Variants in DIAPH3 observed in about 807,000 individuals in gnomAD.
The protein encoded by DIAPH3 is protein diaphanous homolog 3.
Under a neutral mutation model 144.3 loss-of-function variants are expected in DIAPH3, and 117 were observed. That is an observed-to-expected ratio of 0.81 (90% CI 0.70 to 0.95). The LOEUF is 0.95. Among genes scored for constraint, DIAPH3 ranks in the 40% least tolerant of loss-of-function variants. DIAPH3 has a pLI of 0.00. For missense variants in DIAPH3, 1,421 were observed against 1,412.7 expected, an observed-to-expected ratio of 1.01 and a Z score of -0.09; for synonymous variants, 519 against 488.9, an observed-to-expected ratio of 1.06 and a Z score of -0.81.
At chr13:59,793,095 T>C (rs1260556477) in intron 25 of DIAPH3, among the ~76,000 whole-genome samples, 1 of 152,142 alleles carries the variant, frequency 6.6e-6, no homozygotes, top group Non-Finnish European at 1.5e-5. Context: ...AGGAACCACT[T>C]GATGAAAGCT....
chr13:60,127,666 GA>G (rs756036853), intron 2 of DIAPH3, among the ~76,000 whole-genome samples: 14 of 152,150 alleles, frequency 9.2e-5, no homozygotes, highest in Non-Finnish European at 1.9e-4. Flanking sequence ...CCATTTATAT[GA>G]AATTCTAAAA....
chr13:59,823,759 A>G (rs1457782545), intron 24 of DIAPH3, among the ~76,000 whole-genome samples: 1 of 152,174 alleles, frequency 6.6e-6, no homozygotes, highest in Middle Eastern at 3.2e-3. Context: ...ACAAGGATCA[A>G]ATTTGTGTAA....
At chr13:60,125,125 C>T (rs2058952219) in intron 2 of DIAPH3, among the ~76,000 whole-genome samples, 1 of 152,284 alleles carries the variant, frequency 6.6e-6, no homozygotes, top group Admixed American at 6.5e-5. Flanking sequence ...TTGGAACACT[C>T]TTTAGCACAT....
At chr13:59,688,114 G>T (rs887472949) in intron 27 of DIAPH3, among the ~76,000 whole-genome samples, 1 of 151,980 alleles carries the variant, frequency 6.6e-6, no homozygotes, top group African/African-American at 2.4e-5. Flanking sequence ...GAGATTAAAA[G>T]AAGAAGGAAA....
intron 25 of DIAPH3, among the ~76,000 whole-genome samples, chr13:59,785,122 A>T (rs925813607): frequency 1.3e-5 from 2 of 152,178 alleles, no homozygotes; most frequent in African/African-American, 4.8e-5. Flanking sequence ...GCCGATTTTC[A>T]TTGGGATTTA....
intron 5 of DIAPH3, among the ~76,000 whole-genome samples, chr13:60,041,016 G>C (rs2141183566): frequency 6.6e-6 from 1 of 152,248 alleles, no homozygotes; most frequent in Admixed American, 6.5e-5. Flanking sequence ...GTTTCGCCAT[G>C]TTAGCCAGGC....
intron 27 of DIAPH3, among the ~76,000 whole-genome samples, chr13:59,727,852 C>G (rs149653298): frequency 6.6e-6 from 1 of 152,034 alleles, no homozygotes; most frequent in Non-Finnish European, 1.5e-5. Flanking sequence ...CCCTAATACC[C>G]GTATTTTGGT....
chr13:59,848,018 C>A (rs2042747238), intron 22 of DIAPH3, among the ~76,000 whole-genome samples: 1 of 152,196 alleles, frequency 6.6e-6, no homozygotes, highest in Non-Finnish European at 1.5e-5. Flanking sequence ...ATGCCGCACA[C>A]ATCTAACCAT....
intron 4 of DIAPH3, among the ~76,000 whole-genome samples, chr13:60,051,256 C>T (rs2056333003): frequency 6.6e-6 from 1 of 151,960 alleles, no homozygotes; most frequent in Admixed American, 6.6e-5. Flanking sequence ...GTAATGTTTG[C>T]ATGCTGATGA....
intron 20 of DIAPH3, among the ~76,000 whole-genome samples, chr13:59,890,377 T>C (rs544091384): frequency 6.6e-6 from 1 of 152,116 alleles, no homozygotes; most frequent in African/African-American, 2.4e-5. Flanking sequence ...ATGAAACTTT[T>C]AAGTTTCTGT....
intron 25 of DIAPH3, among the ~76,000 whole-genome samples, chr13:59,784,623 T>C (rs341565): frequency 0.72 from 108,560 of 151,348 alleles, 39,240 homozygotes; most frequent in Admixed American, 0.78. Flanking sequence ...GCAATCTGCC[T>C]GCTTCGGCCT....
At chr13:60,019,997 T>A (rs1358018157) in intron 5 of DIAPH3, among the ~76,000 whole-genome samples, 1 of 152,090 alleles carries the variant, frequency 6.6e-6, no homozygotes. Flanking sequence ...TATAATGGAA[T>A]TAATCTTGGA....
intron 20 of DIAPH3, among the ~76,000 whole-genome samples, chr13:59,882,206 G>T (rs1295941345): frequency 3.3e-5 from 5 of 151,878 alleles, no homozygotes; most frequent in Admixed American, 2.0e-4. Flanking sequence ...CTCCTGCCTC[G>T]GCCTCTTGAG....
chr13:59,727,960 G>A lies in DIAPH3; in HGVS notation c.3319+46229C>T, dbSNP rs537606930. Among the ~76,000 whole-genome samples the A allele has an allele frequency of 9.9e-5, 15 of 151,902 alleles. No homozygotes were observed. The East Asian group carries it at 2.7e-3, about 27-fold the overall frequency. On this transcript the variant is annotated intron_variant, in intron 27 of 27. Coordinates refer to ENST00000400324, the MANE Select transcript of DIAPH3 (RefSeq NM_001042517.2). ...ACAACAACAACAAAAAGTCAAAATG[G>A]GCCTGGGATACCTTGTTGTCAACTT...
chr13:60,118,621 G>A (rs1594715122), intron 2 of DIAPH3, among the ~76,000 whole-genome samples: 1 of 152,146 alleles, frequency 6.6e-6, no homozygotes, highest in African/African-American at 2.4e-5. Context: ...AAACCTAACA[G>A]CTAACATAGC....
chr13:59,858,514 C>T (rs1158866102), intron 22 of DIAPH3, among the ~76,000 whole-genome samples: 2 of 152,092 alleles, frequency 1.3e-5, no homozygotes, highest in Non-Finnish European at 2.9e-5. Context: ...GATGGAAATA[C>T]ATGGTGGAAT....
intron 22 of DIAPH3, among the ~76,000 whole-genome samples, chr13:59,840,953 T>A (rs1186888575): frequency 1.5e-5 from 1 of 66,752 alleles, no homozygotes; most frequent in East Asian, 8.6e-4. Flanking sequence ...TTTAACTATT[T>A]AAATTATTCC....
intron 17 of DIAPH3, among the ~76,000 whole-genome samples, chr13:59,961,885 A>T (rs997954802): frequency 6.6e-6 from 1 of 152,180 alleles, no homozygotes; most frequent in Non-Finnish European, 1.5e-5. Context: ...ATACATCAAT[A>T]ATATGTTGTT....
At chr13:60,105,099 C>CAAAAAAAAAAAAAAAAAAAAAA (rs60853102) in intron 3 of DIAPH3, among the ~76,000 whole-genome samples, 14 of 41,824 alleles carry the variant, frequency 3.3e-4, no homozygotes, top group Non-Finnish European at 4.8e-4. Flanking sequence ...GACACGATCT[C>CAAAAAAAAAAAAAAAAAAAAAA]AAAAAAAAAA....
Sources: gnomAD v4.1 joint callset for allele counts (sites outside exome capture counted in the v4.1 genomes callset) on GRCh38, gnomAD v4.1.1 for gene constraint, MANE v1.5 for transcripts, NCBI Gene and HGNC (gene_info 2026-07-23, HGNC 2026-07-21) for gene names.